CNTNAP2: variants seen among roughly 807,000 people sequenced by gnomAD.
The protein encoded by CNTNAP2 is contactin-associated protein-like 2.
Under a neutral mutation model 155.2 loss-of-function variants are expected in CNTNAP2, and 98 were observed. The ratio of observed to expected loss-of-function variants is 0.63; its 90% CI spans 0.54 to 0.75. The LOEUF (loss-of-function observed/expected upper bound fraction) is 0.75. Ranked by LOEUF, CNTNAP2 falls within the 30% of genes least tolerant of loss-of-function variation. The probability of loss-of-function intolerance (pLI) is 0.00; values close to 1 mark genes in which losing one functional copy is unlikely to be tolerated. For missense variants in CNTNAP2, 1,727 were observed against 1,688.1 expected, an observed-to-expected ratio of 1.02 and a Z score of -0.40; for synonymous variants, 651 against 631.2, an observed-to-expected ratio of 1.03 and a Z score of -0.47.
chr7:146,485,572 T>G (rs1192279830), intron 1 of CNTNAP2, among the ~76,000 whole-genome samples: 1 of 152,198 alleles, frequency 6.6e-6, no homozygotes, highest in African/African-American at 2.4e-5. Context: ...CTTACTTTTT[T>G]GAAAGATGCA....
chr7:146,742,041 CT>C (rs1801726566), intron 1 of CNTNAP2, among the ~76,000 whole-genome samples: 2 of 149,756 alleles, frequency 1.3e-5, no homozygotes. Flanking sequence ...TGCTTTCATT[CT>C]CTTGCTTCTC....
intron 8 of CNTNAP2, among the ~76,000 whole-genome samples, chr7:147,141,671 C>T (rs902059084): frequency 2.6e-5 from 4 of 152,078 alleles, no homozygotes; most frequent in African/African-American, 9.7e-5. Flanking sequence ...TTGGCCACTA[C>T]CTCTCATATT....
chr7:146,967,918 C>T (rs189727482), intron 3 of CNTNAP2, among the ~76,000 whole-genome samples: 5 of 151,584 alleles, frequency 3.3e-5, no homozygotes, highest in African/African-American at 4.8e-5. Flanking sequence ...CCAGTTTTTG[C>T]GCATTCAGTA....
chr7:148,189,211 A>G (rs1414522040), intron 18 of CNTNAP2, among the ~76,000 whole-genome samples: 1 of 152,212 alleles, frequency 6.6e-6, no homozygotes, highest in Non-Finnish European at 1.5e-5. Flanking sequence ...GAAGATAATA[A>G]GCTAAAATGG....
chr7:147,984,744 C>A (rs1801587018), intron 15 of CNTNAP2, among the ~76,000 whole-genome samples: 1 of 152,082 alleles, frequency 6.6e-6, no homozygotes, highest in African/African-American at 2.4e-5. Context: ...CAAAGGAGTT[C>A]AGAAGCTTAT....
At chr7:147,710,323 C>CATCAGGTTATCTTTACTCCAGAACAGA (rs1796384568) in intron 13 of CNTNAP2, among the ~76,000 whole-genome samples, 1 of 152,060 alleles carries the variant, frequency 6.6e-6, no homozygotes, top group Admixed American at 6.5e-5. Flanking sequence ...ACATAAATCC[C>CATCAGGTTATCTTTACTCCAGAACAGA]ATCATAATTT....
chr7:147,806,865 A>G (rs1798099133), intron 13 of CNTNAP2, among the ~76,000 whole-genome samples: 1 of 152,152 alleles, frequency 6.6e-6, no homozygotes, highest in African/African-American at 2.4e-5. Flanking sequence ...GGGAAGGAGG[A>G]ATAAAGAGGT....
chr7:147,867,653 A>G (rs1799257281), intron 13 of CNTNAP2, among the ~76,000 whole-genome samples: 1 of 151,416 alleles, frequency 6.6e-6, no homozygotes, highest in Non-Finnish European at 1.5e-5. Context: ...ATTTCTTTTT[A>G]CTCTCTTTTC....
intron 1 of CNTNAP2, among the ~76,000 whole-genome samples, chr7:146,532,686 C>T (rs113260487): frequency 5.5e-4 from 83 of 152,050 alleles, no homozygotes; most frequent in African/African-American, 1.8e-3. Context: ...TCTTACTAAC[C>T]GAAACTAAAT....
chr7:146,752,369 A>C (rs560939279), intron 1 of CNTNAP2, among the ~76,000 whole-genome samples: 1 of 152,278 alleles, frequency 6.6e-6, no homozygotes. Flanking sequence ...CATTTCTCTA[A>C]TGATCAGTGA....
rs1371172243 is a variant in CNTNAP2 at position 146,558,468 on chromosome 7, T to C, written c.98-215803T>C. 2.0e-5 allele frequency among the ~76,000 whole-genome samples: 3 copies of C among 152,312 alleles called. No individual in the cohort carries two copies. In the South Asian group the frequency reaches 6.2e-4, roughly 32 times the overall value. The stretch of plus-strand genomic sequence containing the variant: ...ATATAAAAACTTTACATATTTAATG[T>C]ATCCAACTCAACAAAGTTGGAGATA... On this transcript the variant is annotated intron_variant, in intron 1 of 23. Coordinates refer to ENST00000361727, the MANE Select transcript of CNTNAP2 (RefSeq NM_014141.6).
At position 147,136,841 on chromosome 7, in the gene CNTNAP2, T is replaced by A. The variant is rs187669956; in HGVS notation, c.1348+4332T>A. Among the ~76,000 whole-genome samples the A allele has an allele frequency of 4.4e-3, 664 of 151,946 alleles. 7 individuals carry two copies. Among genetic ancestry groups the A allele is most frequent in the African/African-American group, 0.015 (606 of 41,512 alleles). ...TGATGTTTTAGTTGTTTACTGAAAA[T>A]TTTTTTTCAGTTCTATACTGATATT... is the stretch of plus-strand genomic sequence containing the variant. On this transcript the variant is annotated intron_variant, in intron 8 of 23. Transcript: ENST00000361727.
intron 1 of CNTNAP2, among the ~76,000 whole-genome samples, chr7:146,481,438 C>T (rs1432296010): frequency 1.3e-5 from 2 of 152,156 alleles, no homozygotes; most frequent in African/African-American, 4.8e-5. Context: ...TCTTCAGTTT[C>T]CTGAATACAA....
chr7:146,577,932 A>T (rs980204185), intron 1 of CNTNAP2, among the ~76,000 whole-genome samples: 1 of 152,112 alleles, frequency 6.6e-6, no homozygotes, highest in Non-Finnish European at 1.5e-5. Flanking sequence ...ATGTGTATAG[A>T]TACAGAGACC....
In CNTNAP2 at chr7:148,084,719, G is replaced by T. The variant is rs1172237489; in HGVS notation, c.2384-33399G>T. Among the ~76,000 whole-genome samples the T allele has an allele frequency of 2.6e-5, 4 of 152,110 alleles. No individual in the cohort carries two copies. In the East Asian group the frequency reaches 7.7e-4, roughly 29 times the overall value. On this transcript the variant is annotated intron_variant, in intron 15 of 23. Coordinates refer to ENST00000361727, the MANE Select transcript of CNTNAP2 (RefSeq NM_014141.6). ...GGTCATTTACATGCTAATCATTTGG[G>T]TCTCTTGTCCAGAGAAATCATGAGG...
chr7:146,928,868 G>T (rs1796673472), intron 3 of CNTNAP2, among the ~76,000 whole-genome samples: 1 of 152,222 alleles, frequency 6.6e-6, no homozygotes, highest in Non-Finnish European at 1.5e-5. Context: ...CTGCAAGGTG[G>T]CAGGGAGGCT....
At position 146,211,538 on chromosome 7, in the gene CNTNAP2, A is replaced by G. The variant is rs1799035632; in HGVS notation, c.97+94565A>G. Reference sequence around the variant, plus strand: ...GATGTATTTTTGTTTTCCTTAGTCCAAATTTTAGTAACAGTTTTGTGCTTT... The same window carrying G: ...GATGTATTTTTGTTTTCCTTAGTCCGAATTTTAGTAACAGTTTTGTGCTTT... On this transcript the variant is annotated intron_variant, in intron 1 of 23. Transcript: ENST00000361727. Among the ~76,000 whole-genome samples the G allele has an allele frequency of 2.0e-5, 3 of 152,080 alleles. 1 individual carries two copies. In the South Asian group the frequency reaches 6.2e-4, roughly 32 times the overall value.
At chr7:146,882,459 G>T (rs764684508) in intron 3 of CNTNAP2, among the ~76,000 whole-genome samples, 1 of 152,016 alleles carries the variant, frequency 6.6e-6, no homozygotes, top group Non-Finnish European at 1.5e-5. Context: ...TGTTCTCATC[G>T]TAGTGAGTGA....
chr7:147,985,274 C>A (rs10257780), intron 15 of CNTNAP2, among the ~76,000 whole-genome samples: 10,092 of 151,658 alleles, frequency 0.067, 743 homozygotes, highest in African/African-American at 0.19. Flanking sequence ...CTTCTGAACC[C>A]CCACTGGGGG....
Sources: gnomAD v4.1 joint callset for allele counts (sites outside exome capture counted in the v4.1 genomes callset) on GRCh38, gnomAD v4.1.1 for gene constraint, MANE v1.5 for transcripts, NCBI Gene and HGNC (gene_info 2026-07-23, HGNC 2026-07-21) for gene names.